CD84: variants seen among roughly 807,000 people sequenced by gnomAD.
CD84 encodes CD84 molecule.
Under a neutral mutation model 33.8 loss-of-function variants are expected in CD84, and 22 were observed. The observed-to-expected ratio is 0.65, with a 90% CI of 0.46 to 0.93. The LOEUF (loss-of-function observed/expected upper bound fraction) is 0.93. Ranked by LOEUF, CD84 falls within the 40% of genes least tolerant of loss-of-function variation. The pLI, the probability that CD84 is intolerant of heterozygous loss-of-function variation, is 0.00. For missense variants in CD84, 400 were observed against 397.6 expected, an observed-to-expected ratio of 1.01 and a Z score of -0.05; for synonymous variants, 154 against 145.2, an observed-to-expected ratio of 1.06 and a Z score of -0.44.
chr1:160,577,112 A>G (rs1334875363), intron 1 of CD84, among the ~76,000 whole-genome samples: 1 of 152,132 alleles, frequency 6.6e-6, no homozygotes, highest in African/African-American at 2.4e-5. Context: ...AGAGCATAAG[A>G]CTGTGAATTT....
intron 1 of CD84, among the ~76,000 whole-genome samples, chr1:160,571,723 C>G (rs1456993460): frequency 6.6e-6 from 1 of 152,132 alleles, no homozygotes; most frequent in African/African-American, 2.4e-5. Flanking sequence ...AGTGGGCCTG[C>G]TCTAGGTTAG....
chr1:160,552,175 GCT>G (rs1323086386), intron 4 of CD84, among the ~76,000 whole-genome samples: 1 of 152,174 alleles, frequency 6.6e-6, no homozygotes, highest in East Asian at 1.9e-4. Context: ...CAAACTGAGT[GCT>G]CTCTCTTGTC....
At chr1:160,549,635 C>T (rs114019377) in intron 6 of CD84, among the ~76,000 whole-genome samples, 37 of 152,266 alleles carry the variant, frequency 2.4e-4, no homozygotes, top group Admixed American at 5.9e-4. Context: ...AGGTATTATA[C>T]GGGATGGAGT....
chr1:160,557,727 T>C (rs2102154520), intron 2 of CD84, among the ~76,000 whole-genome samples: 1 of 152,322 alleles, frequency 6.6e-6, no homozygotes, highest in South Asian at 2.1e-4. Context: ...TAACCCAATA[T>C]AACAAAAATT....
chr1:160,558,066 A>T (rs1656722887), intron 2 of CD84, among the ~76,000 whole-genome samples: 1 of 152,226 alleles, frequency 6.6e-6, no homozygotes, highest in Admixed American at 6.5e-5. Flanking sequence ...CTGGCTTTGG[A>T]GAGTCCAGAG....
chr1:160,555,348 G>A (rs1268973575), intron 2 of CD84, among the ~76,000 whole-genome samples: 1 of 152,114 alleles, frequency 6.6e-6, no homozygotes, highest in South Asian at 2.1e-4. Flanking sequence ...CTCCCAAAGT[G>A]CTGGGATGAC....
intron 2 of CD84, among the ~76,000 whole-genome samples, chr1:160,561,729 G>A (rs80279079): frequency 3.9e-5 from 6 of 152,084 alleles, no homozygotes; most frequent in African/African-American, 9.7e-5. Flanking sequence ...AACTGTCTCC[G>A]TTTGCAGATG....
chr1:160,559,872 A>C (rs1656840328), intron 2 of CD84, among the ~76,000 whole-genome samples: 1 of 152,156 alleles, frequency 6.6e-6, no homozygotes, highest in African/African-American at 2.4e-5. Flanking sequence ...CAAAGATAAA[A>C]AAAGACAAAG....
At chr1:160,563,078 A>G (rs901289008) in intron 2 of CD84, among the ~76,000 whole-genome samples, 1 of 152,180 alleles carries the variant, frequency 6.6e-6, no homozygotes, top group South Asian at 2.1e-4. Context: ...ATTATTAATA[A>G]AGTCAAGAAA....
At chr1:160,565,248 C>T (rs1006286215) in intron 2 of CD84, among the ~76,000 whole-genome samples, 156 bp downstream of exon 2, 4 of 152,078 alleles carry the variant, frequency 2.6e-5, no homozygotes, top group African/African-American at 9.7e-5. Context: ...TGAAATAAGA[C>T]TACATCCTCT....
intron 2 of CD84, among the ~76,000 whole-genome samples, chr1:160,557,230 C>A (rs74124865): frequency 0.017 from 2,523 of 152,264 alleles, 84 homozygotes; most frequent in African/African-American, 0.057. Context: ...ATGCCTAATC[C>A]CAACATTAGC....
intron 2 of CD84, among the ~76,000 whole-genome samples, chr1:160,563,012 G>C: frequency 6.6e-6 from 1 of 152,098 alleles, no homozygotes; most frequent in Admixed American, 6.6e-5. Context: ...CTGATCATTA[G>C]AAAAATGCAA....
intron 2 of CD84, among the ~76,000 whole-genome samples, chr1:160,559,361 A>T (rs1656803208): frequency 6.6e-6 from 1 of 152,158 alleles, no homozygotes; most frequent in Non-Finnish European, 1.5e-5. Context: ...TCAACCCAGA[A>T]TTTCATATCT....
At chr1:160,550,580 A>G in intron 5 of CD84, 1 of 977,208 alleles carries the variant, frequency 1.0e-6, no homozygotes, top group South Asian at 4.7e-5. Flanking sequence ...CAACCTGTTC[A>G]CCACGTTGGT....
chr1:160,548,077 A>G lies in CD84; in HGVS notation c.*179T>C. 1 of 637,484 alleles carries G rather than the reference A, an allele frequency of 1.6e-6. No individual in the cohort carries two copies. Among genetic ancestry groups the G allele is most frequent in the Non-Finnish European group, 2.8e-6 (1 of 358,518 alleles). 39.5% of individuals were successfully genotyped at this position (637,484 alleles called of 1,614,324 possible). A position where few individuals can be genotyped will look rare whatever the true frequency, so the allele number is the denominator to read the frequency against. On this transcript the variant is annotated 3_prime_UTR_variant, in exon 7 of 7. Coordinates refer to ENST00000368054, the MANE Select transcript of CD84 (RefSeq NM_003874.4). The stretch of plus-strand genomic sequence containing the variant: ...GTCATTTCAGGAAGGGTATGCATCC[A>G]TTTGTCCATTTAGGCACAAGCTATG...
rs117678912 is a variant in CD84 at position 160,551,849 on chromosome 1, C to G, written c.761-814G>C. Among the ~76,000 whole-genome samples the G allele has an allele frequency of 3.7e-4, 56 of 152,324 alleles. No homozygotes were observed. The East Asian group carries it at 9.6e-3, about 26-fold the overall frequency. On this transcript the variant is annotated intron_variant, in intron 4 of 6. Coordinates refer to ENST00000368054, the MANE Select transcript of CD84 (RefSeq NM_003874.4). Reference sequence around the variant, plus strand: ...CATGAGCCACAGCACCCTGCCAGTTCACACAGTTAATAAACATTTATTAAG... The same window carrying G: ...CATGAGCCACAGCACCCTGCCAGTTGACACAGTTAATAAACATTTATTAAG...
intron 2 of CD84, among the ~76,000 whole-genome samples, chr1:160,564,938 T>C (rs1054691876): frequency 2.0e-5 from 3 of 152,222 alleles, no homozygotes; most frequent in African/African-American, 7.2e-5. Flanking sequence ...CTCTATAGAT[T>C]GTGCTAATGT....
At chr1:160,550,127 C>T in intron 5 of CD84, 148 bp from the exon 6 acceptor site, 1 of 686,454 alleles carries the variant, frequency 1.5e-6, no homozygotes, top group Non-Finnish European at 2.6e-6. Flanking sequence ...CTCCATCCAA[C>T]TCTGGAGAGG....
At chr1:160,568,248 C>T (rs1408912936) in intron 1 of CD84, among the ~76,000 whole-genome samples, 1 of 152,048 alleles carries the variant, frequency 6.6e-6, no homozygotes, top group African/African-American at 2.4e-5. Context: ...GTTGAGCAGC[C>T]ACAGTGGTTG....
Sources: gnomAD v4.1 joint callset for allele counts (sites outside exome capture counted in the v4.1 genomes callset) on GRCh38, gnomAD v4.1.1 for gene constraint, MANE v1.5 for transcripts, NCBI Gene and HGNC (gene_info 2026-07-23, HGNC 2026-07-21) for gene names.